The following B4GALT2 variants were observed in gnomAD, a reference collection of about 807,000 sequenced individuals.
B4GALT2 encodes N-acetyllactosamine synthase.
B4GALT2 carries 18 observed loss-of-function variants against 33.2 expected under a neutral mutation model. That is an observed-to-expected ratio of 0.54 (90% CI 0.38 to 0.80). The LOEUF (loss-of-function observed/expected upper bound fraction) is 0.80. Among genes scored for constraint, B4GALT2 ranks in the 30% least tolerant of loss-of-function variants. B4GALT2 has a pLI of 0.00. For missense variants in B4GALT2, 404 were observed against 526.2 expected, an observed-to-expected ratio of 0.77 and a Z score of 2.27; for synonymous variants, 214 against 217.6, an observed-to-expected ratio of 0.98 and a Z score of 0.15.
At chr1:43,988,846 C>CA (rs71036648) in intron 6 of B4GALT2, among the ~76,000 whole-genome samples, 67,397 of 95,252 alleles carry the variant, frequency 0.71, 24,822 homozygotes, top group Non-Finnish European at 0.81. Flanking sequence ...GACTCTGTCT[C>CA]AAAAAAAAAA....
chr1:43,984,713 C>CCGGT lies in B4GALT2; in HGVS notation c.550-149_550-146dup, dbSNP rs1408267853. 2 of 821,212 alleles carry CCGGT rather than the reference C, an allele frequency of 2.4e-6. No homozygotes were observed. The highest frequency in any genetic ancestry group is 3.7e-6 in the Non-Finnish European group (2 of 538,366). The allele number at this position is 821,212 out of a possible 1,614,324, so 50.9% of individuals were successfully genotyped here. A position where few individuals can be genotyped will look rare whatever the true frequency, so the allele number is the denominator to read the frequency against. On this transcript the variant is annotated intron_variant, in intron 3 of 6. Transcript: ENST00000372324. This position sits in a 1 kb window ranked among gnomAD's most constrained non-coding sequence, Gnocchi z 5.6. The stretch of plus-strand genomic sequence containing the variant: ...ATGAAAGGCCTTTGTAGGCCAGATC[C>CCGGT]CGGTCGAGAAGCTGGACTAGATCCT...
rs1358116242 is a variant in B4GALT2 at position 43,984,263 on chromosome 1, G to T, written c.550-602G>T. Among the ~76,000 whole-genome samples, 3 of 152,218 alleles carry T rather than the reference G, an allele frequency of 2.0e-5. No individual in the cohort carries two copies. Among genetic ancestry groups the T allele is most frequent in the Non-Finnish European group, 4.4e-5 (3 of 68,030 alleles). On this transcript the variant is annotated intron_variant, in intron 3 of 6. Coordinates refer to ENST00000372324, the MANE Select transcript of B4GALT2 (RefSeq NM_003780.5). The surrounding 1 kb of genome is among the most constrained non-coding windows in gnomAD (Gnocchi z 5.6). ...CCCAGGCAGCCGGATGCAGCTCCAG[G>T]GAGCCTGAGGCTCCTGCATCTTAGA...
Position 43,988,846 on chromosome 1 carries a change from C to CAAAAA in B4GALT2, c.969-1435_969-1431dup, listed in dbSNP as rs71036648. ...TAGGCAACAGAGCAAGACTCTGTCT[C>CAAAAA]AAAAAAAAAAAAAAAAAAAAAGTCT... On this transcript the variant is annotated intron_variant, in intron 6 of 6. Coordinates refer to ENST00000372324, the MANE Select transcript of B4GALT2 (RefSeq NM_003780.5). Among the ~76,000 whole-genome samples, 2 of 95,282 alleles carry CAAAAA rather than the reference C, an allele frequency of 2.1e-5. 1 individual carries two copies. Among genetic ancestry groups the CAAAAA allele is most frequent in the African/African-American group, 8.9e-5 (2 of 22,474 alleles). 62.5% of individuals were successfully genotyped at this position (95,282 alleles called of 152,430 possible).
At chr1:43,980,217 T>A in intron 1 of B4GALT2, 1 of 716,910 alleles carries the variant, frequency 1.4e-6, no homozygotes, top group Non-Finnish European at 2.1e-6. Flanking sequence ...GCCGCTCTCT[T>A]GGAACCACAG....
Position 43,979,973 on chromosome 1 carries a change from A to T in B4GALT2, c.-53+462A>T, listed in dbSNP as rs1457871890. ...CCGGAGGGAGGGTGGGAATGTCTGC[A>T]CGTGGGTCTGGGTGTGAGCTGTCTG... On this transcript the variant is annotated intron_variant, in intron 1 of 6. Coordinates refer to ENST00000372324, the MANE Select transcript of B4GALT2 (RefSeq NM_003780.5). This position sits in a 1 kb window ranked among gnomAD's most constrained non-coding sequence, Gnocchi z 4.8. 3 of 1,528,504 alleles carry T rather than the reference A, an allele frequency of 2.0e-6. No homozygotes were observed. Among genetic ancestry groups the T allele is most frequent in the Middle Eastern group, 1.7e-4 (1 of 5,960 alleles). 94.7% of individuals were successfully genotyped at this position (1,528,504 alleles called of 1,614,324 possible).
chr1:43,983,075 G>T lies in B4GALT2; in HGVS notation c.549+1151G>T, dbSNP rs192207958. Among the ~76,000 whole-genome samples the T allele has an allele frequency of 2.2e-3, 333 of 152,308 alleles. 2 individuals are homozygous for T. Among genetic ancestry groups the T allele is most frequent in the African/African-American group, 7.5e-3 (311 of 41,562 alleles). On this transcript the variant is annotated intron_variant, in intron 3 of 6. Transcript: ENST00000372324. Reference sequence around the variant, plus strand: ...GTGTCTGAGTGAGATGGGGACACAGGAGCTGGGCCAGCTCTGGGGGAGTGT... The same window carrying T: ...GTGTCTGAGTGAGATGGGGACACAGTAGCTGGGCCAGCTCTGGGGGAGTGT...
Position 43,990,572 on chromosome 1 carries a change from T to A in B4GALT2, c.*124T>A. On this transcript the variant is annotated 3_prime_UTR_variant, in exon 7 of 7. Coordinates refer to ENST00000372324, the MANE Select transcript of B4GALT2 (RefSeq NM_003780.5). ...ACTGGGCTCTGTTTTCCAAGGGTCT[T>A]CACTAGGCCCCCTAGCTACACCTGG... 2 of 1,346,410 alleles carry A rather than the reference T, an allele frequency of 1.5e-6. No individual in the cohort carries two copies. The highest frequency in any genetic ancestry group is 2.0e-6 in the Non-Finnish European group (2 of 978,266). The allele number at this position is 1,346,410 out of a possible 1,614,324, so 83.4% of individuals were successfully genotyped here.
chr1:43,983,521 G>A (rs1050669167), intron 3 of B4GALT2, among the ~76,000 whole-genome samples: 3 of 152,330 alleles, frequency 2.0e-5, no homozygotes, highest in African/African-American at 2.4e-5. Flanking sequence ...TGGGCCCAGC[G>A]AGAGCCATTT....
intron 5 of B4GALT2, 33 bp downstream of exon 5, chr1:43,985,433 TGGGGGGGGGAGGG>T: frequency 1.4e-5 from 2 of 143,552 alleles, no homozygotes; most frequent in Non-Finnish European, 2.3e-5. Context: ...ATAGGCTGGG[TGGGGGGGGGAGGG>T]GGGGTGCAGA....
In B4GALT2 at chr1:43,990,769, C is replaced by CTGCGAGG; in HGVS notation, c.*321_*322insTGCGAGG. On this transcript the variant is annotated 3_prime_UTR_variant, in exon 7 of 7. Coordinates refer to ENST00000372324, the MANE Select transcript of B4GALT2 (RefSeq NM_003780.5). ...GCAGAGTGGCCTGGGCTAGGTCACT[C>CTGCGAGG]CACCTCTCTGTGCCTCAGTTTCCCC... 1 of 358,088 alleles carries CTGCGAGG rather than the reference C, an allele frequency of 2.8e-6. No individual in the cohort carries two copies. Among genetic ancestry groups the CTGCGAGG allele is most frequent in the Non-Finnish European group, 5.3e-6 (1 of 189,404 alleles). 22.2% of individuals were successfully genotyped at this position (358,088 alleles called of 1,614,324 possible).
chr1:43,981,266 G>A lies in B4GALT2; in HGVS notation c.106G>A (p.Ala36Thr), dbSNP rs960237219. The change falls in exon 2 of 7, where the codon GCC (alanine) becomes ACC (threonine). Residue 36 changes from alanine to threonine, a missense_variant. Ala to Thr is a moderately conservative substitution (Grantham distance 58, BLOSUM62 0). Coordinates refer to ENST00000372324, the MANE Select transcript of B4GALT2 (RefSeq NM_003780.5). This position sits in a 1 kb window ranked among gnomAD's most constrained non-coding sequence, Gnocchi z 8.1. Reference sequence around the variant, plus strand: ...CGTCATCCTCTACTTTGACGTCTACGCCCAGCACCTGGCCTTCTTCAGCCG... The same window carrying A: ...CGTCATCCTCTACTTTGACGTCTACACCCAGCACCTGGCCTTCTTCAGCCG... Reference protein sequence around the residue: ...VAVILYFDVYAQHLAFFSRFS... With the variant: ...VAVILYFDVYTQHLAFFSRFS... 6.2e-7 allele frequency: 1 copy of A among 1,606,774 alleles called. No homozygotes were observed. Among genetic ancestry groups the A allele is most frequent in the Non-Finnish European group, 8.5e-7 (1 of 1,179,878 alleles).
chr1:43,986,586 A>G (rs1473987562), intron 6 of B4GALT2, among the ~76,000 whole-genome samples: 1 of 152,210 alleles, frequency 6.6e-6, no homozygotes, highest in Non-Finnish European at 1.5e-5. Flanking sequence ...ATTTGGTTTT[A>G]AGATCTCTGA....
At chr1:43,988,163 G>A (rs2085679624) in intron 6 of B4GALT2, among the ~76,000 whole-genome samples, 1 of 152,126 alleles carries the variant, frequency 6.6e-6, no homozygotes, top group Non-Finnish European at 1.5e-5. Context: ...GAGTAAAAAT[G>A]ATGCATCTGA....
chr1:43,980,621 G>A (rs1557649555), intron 1 of B4GALT2: 5 of 987,998 alleles, frequency 5.1e-6, no homozygotes, highest in Non-Finnish European at 4.8e-6. Context: ...CATGGTAGGT[G>A]CACAGTATTC....
intron 1 of B4GALT2, among the ~76,000 whole-genome samples, 157 bp from the exon 2 acceptor site, chr1:43,980,952 T>C (rs1462601069): frequency 1.3e-5 from 2 of 152,050 alleles, no homozygotes; most frequent in African/African-American, 2.4e-5. Context: ...GGGTGTCTGT[T>C]TGGAGGTAAA....
chr1:43,981,402 A>C lies in B4GALT2; in HGVS notation c.242A>C (p.Glu81Ala). The C allele has an allele frequency of 6.3e-7, 1 of 1,598,528 alleles. No individual in the cohort carries two copies. Among genetic ancestry groups the C allele is most frequent in the South Asian group, 1.1e-5 (1 of 91,026 alleles). Residue 81 changes from glutamate to alanine, a missense_variant, in exon 2 of 7, where the codon GAG (glutamate) becomes GCG (alanine). Transcript: ENST00000372324. This position sits in a 1 kb window ranked among gnomAD's most constrained non-coding sequence, Gnocchi z 8.1. ...NATASSSGLP[E>A]VPSALPGPTA... is the part of the protein sequence containing the mutation. ...ACCGCCTCTAGCTCCGGGCTCCCTG[A>C]GGTCCCCAGTGCCCTGCCCGGTCCC...
At chr1:43,985,177 C>A in intron 4 of B4GALT2, 101 bp from the exon 5 acceptor site, 1 of 1,557,728 alleles carries the variant, frequency 6.4e-7, no homozygotes, top group East Asian at 2.3e-5. Context: ...GAGGCTGGAT[C>A]CTCCCTGGAC....
rs746593471 is a variant in B4GALT2, at chr1:43,981,834, C to T, written c.459C>T (p.His153=). The T allele has an allele frequency of 1.1e-5, 17 of 1,613,982 alleles. No homozygotes were observed. The highest frequency in any genetic ancestry group is 2.5e-6 in the Non-Finnish European group (3 of 1,180,030). The change falls in exon 3 of 7, where the codon CAC becomes CAT. Residue 153 remains histidine (H), a synonymous_variant. Transcript: ENST00000372324. This position sits in a 1 kb window ranked among gnomAD's most constrained non-coding sequence, Gnocchi z 8.1. Reference sequence around the variant, plus strand: ...TGGCGGTCATCATCCCCTTTAGACACCGGGAACACCACCTGCGCTACTGGC... The same window carrying T: ...TGGCGGTCATCATCCCCTTTAGACATCGGGAACACCACCTGCGCTACTGGC... The part of the protein sequence containing the change: ...QTVAVIIPFR[H]REHHLRYWLH...
rs993407246 is a variant in B4GALT2, at chr1:43,979,904, C to A, written c.-53+393C>A. 30 of 1,317,116 alleles carry A rather than the reference C, an allele frequency of 2.3e-5. No individual in the cohort carries two copies. Among genetic ancestry groups the A allele is most frequent in the East Asian group, 5.3e-5 (2 of 37,488 alleles). 81.6% of individuals were successfully genotyped at this position (1,317,116 alleles called of 1,614,324 possible). On this transcript the variant is annotated intron_variant, in intron 1 of 6. Transcript: ENST00000372324. This position sits in a 1 kb window ranked among gnomAD's most constrained non-coding sequence, Gnocchi z 4.8. ...GTTCAGCCTGCCAGCCCCGCCCAAA[C>A]GCACCCCTCAGCCTGGCCGCCAGCC...
Sources: gnomAD v4.1 joint callset for allele counts (sites outside exome capture counted in the v4.1 genomes callset) on GRCh38, gnomAD v4.1.1 for gene constraint, Gnocchi (gnomAD v3.1) non-coding constraint, MANE v1.5 for transcripts, NCBI Gene and HGNC (gene_info 2026-07-23, HGNC 2026-07-21) for gene names.